The following WDFY3 variants were observed in gnomAD, a reference collection of about 807,000 sequenced individuals.
WDFY3 encodes the protein WD repeat and FYVE domain-containing protein 3.
WDFY3 carries 66 observed loss-of-function variants against 409.6 expected under a neutral mutation model. That is an observed-to-expected ratio of 0.16 (90% CI 0.13 to 0.20). The LOEUF is 0.20. Among genes scored for constraint, WDFY3 ranks in the 10% least tolerant of loss-of-function variants. WDFY3 has a pLI of 1.00. For missense variants in WDFY3, 3,031 were observed against 4,298.1 expected, an observed-to-expected ratio of 0.71 and a Z score of 8.24; for synonymous variants, 1,521 against 1,537.1, an observed-to-expected ratio of 0.99 and a Z score of 0.25.
chr4:84,940,159 C>A (rs1771928385), intron 1 of WDFY3, among the ~76,000 whole-genome samples: 1 of 152,010 alleles, frequency 6.6e-6, no homozygotes, highest in African/African-American at 2.4e-5. Context: ...CCCAATACAC[C>A]TAAAAAGTCC....
chr4:84,685,352 G>T (rs1400309415), intron 62 of WDFY3, among the ~76,000 whole-genome samples: 1 of 152,150 alleles, frequency 6.6e-6, no homozygotes, highest in Non-Finnish European at 1.5e-5. Context: ...TGCTACTGCT[G>T]CTCCTTGCTC....
intron 29 of WDFY3, among the ~76,000 whole-genome samples, chr4:84,773,934 C>CCATGT (rs1272203250): frequency 6.6e-6 from 1 of 152,162 alleles, no homozygotes; most frequent in East Asian, 1.9e-4. Flanking sequence ...GTTGGGCAGG[C>CCATGT]TGGTCTTGAA....
intron 3 of WDFY3, chr4:84,886,374 CT>C (rs995653677): frequency 9.0e-4 from 132 of 146,176 alleles, no homozygotes; most frequent in East Asian, 1.8e-3. Flanking sequence ...TTTATTTCTT[CT>C]TTTTTTTTTT....
chr4:84,865,620 C>T (rs1030196411), intron 3 of WDFY3, among the ~76,000 whole-genome samples: 1 of 152,218 alleles, frequency 6.6e-6, no homozygotes, highest in African/African-American at 2.4e-5. Context: ...CTGACTGCCC[C>T]CCAACCCCAG....
At chr4:84,680,704 G>C (rs1727207789) in intron 64 of WDFY3, among the ~76,000 whole-genome samples, 2 of 152,198 alleles carry the variant, frequency 1.3e-5, no homozygotes, top group South Asian at 2.1e-4. Context: ...AACATGTGCA[G>C]AATTTTTTTC....
intron 6 of WDFY3, among the ~76,000 whole-genome samples, chr4:84,839,726 C>T (rs922207438): frequency 4.0e-5 from 6 of 151,872 alleles, no homozygotes; most frequent in African/African-American, 1.5e-4. Flanking sequence ...GGTGTGGTGG[C>T]GCGCGCCTGT....
At chr4:84,964,380 G>A (rs1038906861) in intron 1 of WDFY3, among the ~76,000 whole-genome samples, 2 of 152,168 alleles carry the variant, frequency 1.3e-5, no homozygotes, top group African/African-American at 2.4e-5. Context: ...GTGGGAGAAG[G>A]ATCACTCGGG....
chr4:84,716,135 A>C (rs1340500138), intron 49 of WDFY3, among the ~76,000 whole-genome samples: 4 of 152,156 alleles, frequency 2.6e-5, no homozygotes, highest in Non-Finnish European at 4.4e-5. Flanking sequence ...ATATCTAAGG[A>C]TTATTCTAAA....
chr4:84,813,567 C>A (rs1467309705), intron 13 of WDFY3, among the ~76,000 whole-genome samples: 1 of 152,098 alleles, frequency 6.6e-6, no homozygotes, highest in African/African-American at 2.4e-5. Flanking sequence ...ACTGAATAGG[C>A]CACAATGTGA....
intron 2 of WDFY3, among the ~76,000 whole-genome samples, chr4:84,928,983 C>A (rs371425106): frequency 2.0e-5 from 3 of 152,250 alleles, no homozygotes; most frequent in East Asian, 3.9e-4. Flanking sequence ...TGAATGTGGG[C>A]TGGACCTAGT....
chr4:84,679,317 T>A (rs1468330726), intron 64 of WDFY3, 75 bp from the exon 65 acceptor site: 8 of 1,389,300 alleles, frequency 5.8e-6, no homozygotes, highest in Admixed American at 5.9e-5. Context: ...GCTAGTATTT[T>A]TTTTCTCCCA....
chr4:84,675,939 T>C (rs1209090502), intron 67 of WDFY3, among the ~76,000 whole-genome samples: 3 of 152,020 alleles, frequency 2.0e-5, no homozygotes, highest in Non-Finnish European at 2.9e-5. Flanking sequence ...AAATTACAAA[T>C]GAATTAAAGA....
intron 21 of WDFY3, 150 bp downstream of exon 21, chr4:84,794,369 G>T: frequency 1.2e-6 from 1 of 801,196 alleles, no homozygotes; most frequent in Non-Finnish European, 1.9e-6. Context: ...AAATTCACTG[G>T]TAAGCAATAT....
At chr4:84,883,422 T>G (rs1252844508) in intron 3 of WDFY3, among the ~76,000 whole-genome samples, 1 of 152,218 alleles carries the variant, frequency 6.6e-6, no homozygotes, top group South Asian at 2.1e-4. Flanking sequence ...CAGTTTACCA[T>G]ATTTTTCTTG....
At chr4:84,736,883 A>G (rs1347718886) in intron 41 of WDFY3, among the ~76,000 whole-genome samples, 1 of 152,042 alleles carries the variant, frequency 6.6e-6, no homozygotes, top group Non-Finnish European at 1.5e-5. Flanking sequence ...TTTCAAAATT[A>G]TAGTTAAGGG....
intron 9 of WDFY3, among the ~76,000 whole-genome samples, chr4:84,828,669 A>G (rs1314160466): frequency 2.0e-5 from 3 of 152,114 alleles, no homozygotes; most frequent in Non-Finnish European, 2.9e-5. Flanking sequence ...TTGGGAGGCC[A>G]AAGGATTGCT....
chr4:84,727,750 A>G (rs992975577), intron 44 of WDFY3, among the ~76,000 whole-genome samples: 1 of 152,184 alleles, frequency 6.6e-6, no homozygotes, highest in Non-Finnish European at 1.5e-5. Context: ...AGTAAACATG[A>G]GCAGGCAAAA....
At chr4:84,819,840 C>A (rs915845957) in intron 12 of WDFY3, among the ~76,000 whole-genome samples, 2 of 152,100 alleles carry the variant, frequency 1.3e-5, no homozygotes, top group Admixed American at 1.3e-4. Context: ...AGAATACTTT[C>A]AACACAAGAC....
intron 32 of WDFY3, among the ~76,000 whole-genome samples, chr4:84,759,125 G>C (rs963134690): frequency 6.6e-6 from 1 of 152,020 alleles, no homozygotes; most frequent in Non-Finnish European, 1.5e-5. Flanking sequence ...GATATGCGGC[G>C]TTATTTCTGA....
Sources: allele counts gnomAD v4.1 joint callset (sites outside exome capture counted in the v4.1 genomes callset), GRCh38; gene constraint gnomAD v4.1.1; transcripts MANE v1.5; gene names NCBI Gene and HGNC (gene_info 2026-07-23, HGNC 2026-07-21).